MTOR: variants seen among roughly 807,000 people sequenced by gnomAD.
MTOR encodes mechanistic target of rapamycin kinase.
In MTOR, 70 loss-of-function variants were observed where a neutral mutation model predicts 319.8. The ratio of observed to expected loss-of-function variants is 0.22; its 90% confidence interval spans 0.18 to 0.27. The LOEUF (loss-of-function observed/expected upper bound fraction) is 0.27, where lower values mean the gene tolerates loss of function less well. MTOR is among the 10% of genes least tolerant of loss of function. The probability of loss-of-function intolerance (pLI) is 1.00; values close to 1 mark genes in which losing one functional copy is unlikely to be tolerated. For missense variants in MTOR, 1,890 were observed against 3,274.4 expected (o/e 0.58, Z 10.32); for synonymous variants, 1,183 against 1,211.4 (o/e 0.98, Z 0.49).
chr1:11,125,730 G>C (rs1271279384), intron 46 of MTOR, among the ~76,000 whole-genome samples: 1 of 122,544 alleles, frequency 8.2e-6, no homozygotes, highest in Non-Finnish European at 1.7e-5. Flanking sequence ...CTCTGTCTTG[G>C]GGAAAAAAAA....
rs1643086684 is a variant in MTOR, at chr1:11,130,521, A to G, written c.5613+8T>C. The G allele has an allele frequency of 6.2e-7, 1 of 1,609,208 alleles. No individual in the cohort carries two copies. The highest frequency in any genetic ancestry group is 1.3e-5 in the African/African-American group (1 of 74,604). On this transcript the variant is annotated splice_region_variant and intron_variant, in intron 39 of 57. Transcript: ENST00000361445. Reference sequence around the variant, plus strand: ...GTTGGTTGTTAATAAGGAAGAAGGGAAGGGTACCTCAGTGACCTTCTTCTG... The same window carrying G: ...GTTGGTTGTTAATAAGGAAGAAGGGGAGGGTACCTCAGTGACCTTCTTCTG...
chr1:11,249,538 T>C (rs1244052967), intron 6 of MTOR, among the ~76,000 whole-genome samples: 1 of 147,604 alleles, frequency 6.8e-6, no homozygotes, highest in Admixed American at 6.9e-5. Flanking sequence ...CAAAGGTCTC[T>C]GGTTTTCCTA....
At position 11,240,190 on chromosome 1, in the gene MTOR, C is replaced by CT. The variant is rs1336769840; in HGVS notation, c.1786+112dup. 4.3e-6 allele frequency: 6 copies of CT among 1,382,744 alleles called. No individual in the cohort carries two copies. The African/African-American group carries it at 8.7e-5, about 20-fold the overall frequency. 85.7% of individuals were successfully genotyped at this position (1,382,744 alleles called of 1,614,324 possible). A position where few individuals can be genotyped will look rare whatever the true frequency, so the allele number is the denominator to read the frequency against. On this transcript the variant is annotated intron_variant, in intron 11 of 57. Transcript: ENST00000361445. ...GAAGGATGAGCTGCTACAGAATCAGCTACCCTGTCTTTAGCACCCCAGCAA... is the reference window on the plus strand; with the variant it reads ...GAAGGATGAGCTGCTACAGAATCAGCTTACCCTGTCTTTAGCACCCCAGCAA...
chr1:11,189,176 A>G lies in MTOR; in HGVS notation c.4253+10082T>C, dbSNP rs28990991. ...AGCCCAGAGACTGTACAGGCAAGGA[A>G]AGAAAGACTCGCCCCATCTCCCTCC... On this transcript the variant is annotated intron_variant, in intron 28 of 57. Coordinates refer to ENST00000361445, the MANE Select transcript of MTOR (RefSeq NM_004958.4). 2.0e-3 allele frequency among the ~76,000 whole-genome samples: 298 copies of G among 152,232 alleles called. 7 individuals are homozygous for G. In the East Asian group the frequency reaches 0.049, roughly 25 times the overall value.
chr1:11,115,019 T>C lies in MTOR; in HGVS notation c.7090-132A>G, dbSNP rs554325912. 139 of 717,540 alleles carry C rather than the reference T, an allele frequency of 1.9e-4. No homozygotes were observed. The highest frequency in any genetic ancestry group is 3.0e-4 in the Non-Finnish European group (124 of 415,000). 44.4% of individuals were successfully genotyped at this position (717,540 alleles called of 1,614,324 possible). A position where few individuals can be genotyped will look rare whatever the true frequency, so the allele number is the denominator to read the frequency against. Reference sequence around the variant, plus strand: ...TAGCAGGGAAAGGAAGCAGCTTGGGTTTAGTGAGAGGACTTGTCACAGGGA... The same window carrying C: ...TAGCAGGGAAAGGAAGCAGCTTGGGCTTAGTGAGAGGACTTGTCACAGGGA... On this transcript the variant is annotated intron_variant, in intron 51 of 57. Transcript: ENST00000361445. The surrounding 1 kb of genome is among the most constrained non-coding windows in gnomAD (Gnocchi z 4.5).
intron 34 of MTOR, among the ~76,000 whole-genome samples, chr1:11,143,393 C>A (rs760807393): frequency 2.0e-5 from 3 of 152,206 alleles, no homozygotes; most frequent in Non-Finnish European, 4.4e-5. Context: ...CAGATCTCTG[C>A]TGTAGAAACT....
In MTOR at chr1:11,106,601, A is replaced by G; in HGVS notation, c.*884T>C. 1 of 1,076,816 alleles carries G rather than the reference A, an allele frequency of 9.3e-7. No homozygotes were observed. Among genetic ancestry groups the G allele is most frequent in the Non-Finnish European group, 1.1e-6 (1 of 885,766 alleles). 66.7% of individuals were successfully genotyped at this position (1,076,816 alleles called of 1,614,324 possible). A position where few individuals can be genotyped will look rare whatever the true frequency, so the allele number is the denominator to read the frequency against. ...TTCTGATACAACATGGTGTCTAGAC[A>G]TGGCTACACTTTATACTTTGTGCAT... is the stretch of plus-strand genomic sequence containing the variant. On this transcript the variant is annotated 3_prime_UTR_variant, in exon 58 of 58. Coordinates refer to ENST00000361445, the MANE Select transcript of MTOR (RefSeq NM_004958.4).
chr1:11,202,731 T>C (rs978550782), intron 26 of MTOR, among the ~76,000 whole-genome samples: 7 of 151,778 alleles, frequency 4.6e-5, no homozygotes, highest in Admixed American at 1.3e-4. Context: ...CTGGGCAACA[T>C]AGTGAGACCT....
intron 6 of MTOR, among the ~76,000 whole-genome samples, chr1:11,251,619 AT>A (rs1649687127): frequency 6.6e-6 from 1 of 151,084 alleles, no homozygotes; most frequent in Admixed American, 6.6e-5. Flanking sequence ...GAATGAACAA[AT>A]TATGAAATTT....
At chr1:11,163,437 T>C (rs182883878) in intron 29 of MTOR, among the ~76,000 whole-genome samples, 1 of 152,182 alleles carries the variant, frequency 6.6e-6, no homozygotes, top group East Asian at 1.9e-4. Flanking sequence ...GTGGACCTAA[T>C]ACACATCTAC....
At chr1:11,225,894 TA>T (rs1230317994) in intron 19 of MTOR, among the ~76,000 whole-genome samples, 1 of 151,890 alleles carries the variant, frequency 6.6e-6, no homozygotes, top group Non-Finnish European at 1.5e-5. Flanking sequence ...AACAGCTTCC[TA>T]AAAAAAAGTA....
chr1:11,158,525 C>A (rs1644383517), intron 29 of MTOR, among the ~76,000 whole-genome samples: 1 of 152,130 alleles, frequency 6.6e-6, no homozygotes, highest in Admixed American at 6.6e-5. Context: ...TGCCCAACAT[C>A]AGTGGAGTTT....
intron 8 of MTOR, among the ~76,000 whole-genome samples, chr1:11,246,932 G>A (rs115003662): frequency 0.012 from 1,792 of 152,326 alleles, 47 homozygotes; most frequent in African/African-American, 0.04. Context: ...CTCTGTGCCA[G>A]GCACTATAGT....
intron 28 of MTOR, among the ~76,000 whole-genome samples, chr1:11,176,845 G>A (rs1022782507): frequency 6.6e-6 from 1 of 152,206 alleles, no homozygotes; most frequent in South Asian, 2.1e-4. Flanking sequence ...AAGATCTGGG[G>A]TTGGCTAGGC....
rs771437207 is a variant in MTOR at position 11,129,729 on chromosome 1, C to G, written c.5714+9G>C. On this transcript the variant is annotated intron_variant, in intron 40 of 57. Coordinates refer to ENST00000361445, the MANE Select transcript of MTOR (RefSeq NM_004958.4). This position sits in a 1 kb window ranked among gnomAD's most constrained non-coding sequence, Gnocchi z 4.7. ...CCTACCAGAGTTGCATCCTTCCCTT[C>G]TCTGATACCTGAGTGTATCCTGGAG... is the stretch of plus-strand genomic sequence containing the variant. 9.3e-6 allele frequency: 15 copies of G among 1,612,466 alleles called. No individual in the cohort carries two copies. Among genetic ancestry groups the G allele is most frequent in the Non-Finnish European group, 1.2e-5 (14 of 1,178,674 alleles).
In MTOR at chr1:11,129,037, G is replaced by T; in HGVS notation, c.5715-86C>A. ...TTCATCTCTAAGGCTCCTGAGAAGA[G>T]AGCTGGCAGGGACTCCAACCAGTAA... On this transcript the variant is annotated intron_variant, in intron 40 of 57. Transcript: ENST00000361445. This position sits in a 1 kb window ranked among gnomAD's most constrained non-coding sequence, Gnocchi z 4.7. The T allele has an allele frequency of 8.9e-7, 1 of 1,121,830 alleles. No individual in the cohort carries two copies. The highest frequency in any genetic ancestry group is 1.4e-5 in the South Asian group (1 of 74,034). The allele number at this position is 1,121,830 out of a possible 1,614,324, so 69.5% of individuals were successfully genotyped here.
intron 31 of MTOR, among the ~76,000 whole-genome samples, chr1:11,147,480 C>T (rs932430994): frequency 6.6e-6 from 1 of 152,190 alleles, no homozygotes; most frequent in African/African-American, 2.4e-5. Context: ...AGACCATCTG[C>T]AGAAAAGATA....
At chr1:11,258,372 T>C in intron 3 of MTOR, 113 bp downstream of exon 3, 1 of 738,386 alleles carries the variant, frequency 1.4e-6, no homozygotes, top group Admixed American at 2.5e-5. Context: ...AGCCACGGGC[T>C]TCTTAAATTT....
intron 19 of MTOR, among the ~76,000 whole-genome samples, chr1:11,221,656 T>C (rs1265794024): frequency 6.7e-6 from 1 of 150,182 alleles, no homozygotes; most frequent in Non-Finnish European, 1.5e-5. Context: ...CAGGACAATC[T>C]GATTGTGAAA....
Sources: allele counts gnomAD v4.1 joint callset (sites outside exome capture counted in the v4.1 genomes callset), GRCh38; gene constraint gnomAD v4.1.1; non-coding constraint Gnocchi (gnomAD v3.1); transcripts MANE v1.5; gene names NCBI Gene and HGNC (gene_info 2026-07-23, HGNC 2026-07-21).